The following MTUS2 variants were observed in gnomAD, a reference collection of about 807,000 sequenced individuals.
MTUS2 encodes microtubule-associated tumor suppressor candidate 2.
A neutral mutation model predicts 114.1 loss-of-function variants in MTUS2; 40 were observed. The observed-to-expected ratio is 0.35, with a 90% CI of 0.27 to 0.46. The LOEUF (loss-of-function observed/expected upper bound fraction) is 0.46. Among genes scored for constraint, MTUS2 ranks in the 20% least tolerant of loss-of-function variants. The probability of loss-of-function intolerance (pLI) is 1.00; values close to 1 mark genes in which losing one functional copy is unlikely to be tolerated. For synonymous variants in MTUS2, 688 were observed against 672.0 expected, an observed-to-expected ratio of 1.02 and a Z score of -0.37; for missense variants, 1,679 against 1,705.4, an observed-to-expected ratio of 0.98 and a Z score of 0.27.
intron 5 of MTUS2, among the ~76,000 whole-genome samples, chr13:29,184,819 C>T (rs750397138): frequency 2.6e-5 from 4 of 152,104 alleles, no homozygotes; most frequent in African/African-American, 4.8e-5. Flanking sequence ...CAATTTATAT[C>T]ATTTAAAATG....
intron 5 of MTUS2, among the ~76,000 whole-genome samples, chr13:29,129,459 C>A (rs1042852051): frequency 6.6e-6 from 1 of 152,182 alleles, no homozygotes; most frequent in Non-Finnish European, 1.5e-5. Flanking sequence ...CCAAGCAAAT[C>A]TACCTTGTCT....
At chr13:29,202,523 G>C (rs143669057) in intron 5 of MTUS2, among the ~76,000 whole-genome samples, 1 of 152,124 alleles carries the variant, frequency 6.6e-6, no homozygotes, top group South Asian at 2.1e-4. Flanking sequence ...TGTCAAACTC[G>C]TTCTCCATCC....
chr13:28,831,622 A>G (rs902470783), intron 1 of MTUS2, among the ~76,000 whole-genome samples: 1 of 152,256 alleles, frequency 6.6e-6, no homozygotes, highest in Non-Finnish European at 1.5e-5. Flanking sequence ...GTATTTAACA[A>G]TAGATCCCCT....
At chr13:29,224,051 C>T (rs1483621743) in intron 5 of MTUS2, among the ~76,000 whole-genome samples, 2 of 152,362 alleles carry the variant, frequency 1.3e-5, no homozygotes, top group East Asian at 3.9e-4. Flanking sequence ...CCTTGCTGCT[C>T]CACACCTGGT....
chr13:29,341,014 T>A (rs974807414), intron 7 of MTUS2, among the ~76,000 whole-genome samples: 2 of 152,248 alleles, frequency 1.3e-5, no homozygotes, highest in African/African-American at 4.8e-5. Flanking sequence ...TATTTCATAG[T>A]ACGTTTGTAC....
At chr13:28,996,601 G>A (rs1345381733) in intron 2 of MTUS2, among the ~76,000 whole-genome samples, 7 of 152,064 alleles carry the variant, frequency 4.6e-5, no homozygotes, top group Non-Finnish European at 8.8e-5. Context: ...ATTCAGAGAT[G>A]CAACTTCTTC....
intron 6 of MTUS2, among the ~76,000 whole-genome samples, chr13:29,313,902 C>T (rs559681826): frequency 4.5e-4 from 69 of 152,202 alleles, no homozygotes; most frequent in Non-Finnish European, 9.0e-4. Flanking sequence ...AAGAGAAATG[C>T]CTTAGCATTT....
chr13:29,129,207 T>C (rs985434873), intron 5 of MTUS2, among the ~76,000 whole-genome samples: 123 of 120,920 alleles, frequency 1.0e-3, no homozygotes, highest in East Asian at 2.0e-3. Flanking sequence ...TTTTTTTTTT[T>C]CCCCATCCGG....
chr13:29,023,992 A>G (rs893065001), intron 2 of MTUS2, among the ~76,000 whole-genome samples: 2 of 152,252 alleles, frequency 1.3e-5, no homozygotes, highest in African/African-American at 4.8e-5. Context: ...GCCTGGGGGA[A>G]GATACTTTAA....
intron 4 of MTUS2, among the ~76,000 whole-genome samples, chr13:29,045,345 G>T (rs1887565527): frequency 6.6e-6 from 1 of 152,110 alleles, no homozygotes; most frequent in Non-Finnish European, 1.5e-5. Context: ...GCCTTACATG[G>T]GGGAGAGATA....
intron 4 of MTUS2, among the ~76,000 whole-genome samples, chr13:29,051,093 AGGAGAGGTAATGGCAGAAGC>A (rs1887873660): frequency 3.3e-5 from 5 of 152,346 alleles, no homozygotes; most frequent in Admixed American, 6.5e-5. Context: ...TCTGTAGAAT[AGGAGAGGTAATGGCAGAAGC>A]GGAGAGGTCA....
chr13:29,394,177 G>A (rs1412863510), intron 8 of MTUS2, among the ~76,000 whole-genome samples: 1 of 151,968 alleles, frequency 6.6e-6, no homozygotes, highest in Non-Finnish European at 1.5e-5. Flanking sequence ...AAATATGTGT[G>A]ACCAGGGCTC....
At chr13:29,134,372 G>A (rs1354051002) in intron 5 of MTUS2, among the ~76,000 whole-genome samples, 1 of 146,602 alleles carries the variant, frequency 6.8e-6, no homozygotes, top group East Asian at 2.0e-4. Context: ...AGAGTACTCT[G>A]TATAAATCTA....
At chr13:29,450,025 A>C (rs549734932) in intron 9 of MTUS2, among the ~76,000 whole-genome samples, 8 of 152,208 alleles carry the variant, frequency 5.3e-5, no homozygotes, top group Non-Finnish European at 8.8e-5. Context: ...GTGGAGGACC[A>C]TGATGCCCCC....
intron 5 of MTUS2, among the ~76,000 whole-genome samples, chr13:29,255,791 A>T (rs545845247): frequency 2.0e-5 from 3 of 152,250 alleles, no homozygotes; most frequent in South Asian, 4.2e-4. Context: ...CCCAGAGCTA[A>T]TGGGCCCAGC....
chr13:29,385,660 T>G (rs2138388121), intron 8 of MTUS2, among the ~76,000 whole-genome samples: 1 of 152,222 alleles, frequency 6.6e-6, no homozygotes, highest in South Asian at 2.1e-4. Context: ...TTGTCTGTCC[T>G]TTTTCCCCAG....
chr13:29,304,043 CA>C (rs1219230662), intron 6 of MTUS2, among the ~76,000 whole-genome samples: 1 of 152,082 alleles, frequency 6.6e-6, no homozygotes, highest in African/African-American at 2.4e-5. Flanking sequence ...AACTAAGTTT[CA>C]TAAGTGAAGG....
chr13:29,221,305 T>C (rs1290404952), intron 5 of MTUS2, among the ~76,000 whole-genome samples: 1 of 152,244 alleles, frequency 6.6e-6, no homozygotes, highest in East Asian at 1.9e-4. Context: ...TAAAAGGCAA[T>C]GGCCAAATGC....
At chr13:29,456,867 G>T (rs1879141486) in intron 9 of MTUS2, among the ~76,000 whole-genome samples, 1 of 152,170 alleles carries the variant, frequency 6.6e-6, no homozygotes, top group Non-Finnish European at 1.5e-5. Flanking sequence ...GCCGGGCACG[G>T]TGGCTCACGC....
Sources: gnomAD v4.1 joint callset for allele counts (sites outside exome capture counted in the v4.1 genomes callset) on GRCh38, gnomAD v4.1.1 for gene constraint, MANE v1.5 for transcripts, NCBI Gene and HGNC (gene_info 2026-07-23, HGNC 2026-07-21) for gene names.